GAPVD1: variants seen among roughly 807,000 people sequenced by gnomAD.
The protein encoded by GAPVD1 is GTPase activating protein and VPS9 domains 1.
GAPVD1 carries 35 observed loss-of-function variants against 155.5 expected under a neutral mutation model. The observed-to-expected ratio is 0.23, with a 90% CI of 0.17 to 0.30. The LOEUF (loss-of-function observed/expected upper bound fraction) is 0.30. Ranked by LOEUF, GAPVD1 falls within the 10% of genes least tolerant of loss-of-function variation. GAPVD1 has a pLI of 1.00. For missense variants in GAPVD1, 1,429 were observed against 1,775.7 expected (o/e 0.80, Z 3.51); for synonymous variants, 636 against 619.7 (o/e 1.03, Z -0.39).
chr9:125,342,976 T>C (rs1848026572), intron 19 of GAPVD1, among the ~76,000 whole-genome samples: 1 of 152,184 alleles, frequency 6.6e-6, no homozygotes, highest in South Asian at 2.1e-4. Context: ...ACATTATGAA[T>C]GAGCACCCTA....
chr9:125,331,265 A>G (rs554086303), intron 13 of GAPVD1, among the ~76,000 whole-genome samples: 37 of 151,862 alleles, frequency 2.4e-4, no homozygotes, highest in Middle Eastern at 6.8e-3. Flanking sequence ...CAGTGGTGCA[A>G]TCACGGCTCA....
At chr9:125,276,561 C>T (rs764465159) in intron 2 of GAPVD1, among the ~76,000 whole-genome samples, 6 of 152,056 alleles carry the variant, frequency 3.9e-5, no homozygotes, top group Admixed American at 6.6e-5. Flanking sequence ...TGATGGTGTA[C>T]GCCTGTAGTC....
rs1235489525 is a variant in GAPVD1, at chr9:125,263,616, C to G, written c.-199+1657C>G. The G allele has an allele frequency of 3.7e-6, 5 of 1,357,868 alleles. No individual in the cohort carries two copies. The African/African-American group carries it at 7.1e-5, about 19-fold the overall frequency. The allele number at this position is 1,357,868 out of a possible 1,614,324, so 84.1% of individuals were successfully genotyped here. A position where few individuals can be genotyped will look rare whatever the true frequency, so the allele number is the denominator to read the frequency against. ...TGGCTGACCACGTCCACGACCAAAT[C>G]CGTCTCAACTGGAATTTGGCTGCTG... On this transcript the variant is annotated intron_variant, in intron 1 of 27. Transcript: ENST00000297933.
In GAPVD1 at chr9:125,337,423, T is replaced by G. The variant is rs983980605; in HGVS notation, c.2709T>G (p.Ser903=). 1 of 1,614,140 alleles carries G rather than the reference T, an allele frequency of 6.2e-7. No individual in the cohort carries two copies. The highest frequency in any genetic ancestry group is 8.5e-7 in the Non-Finnish European group (1 of 1,179,954). The change falls in exon 17 of 28, where the codon TCT becomes TCG. Residue 903 remains serine, a synonymous_variant. Coordinates refer to ENST00000297933, the MANE Select transcript of GAPVD1 (RefSeq NM_001282680.3). The part of the protein sequence containing the change: ...YPERLVRSRS[S]DIVSSVRRPM... Reference sequence around the variant, plus strand: ...AGAGACTAGTTCGAAGCAGGAGCTCTGATATAGTATCTTCTGTCCGGAGAC... The same window carrying G: ...AGAGACTAGTTCGAAGCAGGAGCTCGGATATAGTATCTTCTGTCCGGAGAC...
chr9:125,312,929 T>C (rs1842861123), intron 9 of GAPVD1, among the ~76,000 whole-genome samples: 1 of 152,088 alleles, frequency 6.6e-6, no homozygotes, highest in African/African-American at 2.4e-5. Flanking sequence ...CAAGCAATTC[T>C]CCTGCCTCAG....
At chr9:125,305,328 G>GT in intron 6 of GAPVD1, among the ~76,000 whole-genome samples, 179 bp downstream of exon 6, 1 of 151,496 alleles carries the variant, frequency 6.6e-6, no homozygotes, top group Non-Finnish European at 1.5e-5. Context: ...AGATGCCGTC[G>GT]TAAGAGAATC....
intron 8 of GAPVD1, 136 bp downstream of exon 8, chr9:125,308,016 A>G: frequency 6.0e-6 from 4 of 665,554 alleles, no homozygotes; most frequent in South Asian, 5.4e-5. Flanking sequence ...ATGGTATTTC[A>G]GTTTTTAGAA....
chr9:125,335,287 T>C (rs1487062451), intron 15 of GAPVD1: 1 of 633,072 alleles, frequency 1.6e-6, no homozygotes, highest in Non-Finnish European at 2.9e-6. Flanking sequence ...GCAAAAAATG[T>C]GTCATTCTCT....
rs777933375 is a variant in GAPVD1 at position 125,350,904 on chromosome 9, C to G, written c.3569+32C>G. 4 of 1,536,512 alleles carry G rather than the reference C, an allele frequency of 2.6e-6. No homozygotes were observed. In the South Asian group the frequency reaches 3.6e-5, roughly 14 times the overall value. ...TACCCCACCTGTTCAGCTTTTAAAC[C>G]TAGTTGTTAGCTGCAAGTGTTTTCT... is the stretch of plus-strand genomic sequence containing the variant. On this transcript the variant is annotated intron_variant, in intron 23 of 27. Coordinates refer to ENST00000297933, the MANE Select transcript of GAPVD1 (RefSeq NM_001282680.3).
chr9:125,318,744 T>A (rs1480127934), intron 9 of GAPVD1, among the ~76,000 whole-genome samples: 1 of 151,434 alleles, frequency 6.6e-6, no homozygotes, highest in Non-Finnish European at 1.5e-5. Context: ...TAGTAAGACC[T>A]TGTCTCTACA....
At chr9:125,286,280 A>AT (rs904842756) in intron 2 of GAPVD1, among the ~76,000 whole-genome samples, 1 of 151,658 alleles carries the variant, frequency 6.6e-6, no homozygotes, top group Non-Finnish European at 1.5e-5. Context: ...TGCCCAGCAA[A>AT]TTTTTTTATT....
At chr9:125,272,495 A>C (rs932023568) in intron 2 of GAPVD1, among the ~76,000 whole-genome samples, 2 of 152,190 alleles carry the variant, frequency 1.3e-5, no homozygotes, top group African/African-American at 4.8e-5. Context: ...AGGCCTCTCT[A>C]TGAATAAGTT....
At chr9:125,361,796 A>T (rs1380231704) in intron 27 of GAPVD1, among the ~76,000 whole-genome samples, 1 of 152,188 alleles carries the variant, frequency 6.6e-6, no homozygotes, top group Non-Finnish European at 1.5e-5. Flanking sequence ...TATTTTGAAC[A>T]TTTTGAGGGT....
chr9:125,309,734 C>T (rs1314109563), intron 8 of GAPVD1, among the ~76,000 whole-genome samples: 1 of 152,168 alleles, frequency 6.6e-6, no homozygotes, highest in Non-Finnish European at 1.5e-5. Flanking sequence ...GACTGCTATA[C>T]ATTAGTTTTT....
intron 2 of GAPVD1, among the ~76,000 whole-genome samples, chr9:125,287,054 A>G (rs1213093291): frequency 6.6e-6 from 1 of 152,150 alleles, no homozygotes; most frequent in African/African-American, 2.4e-5. Context: ...ATTGCACTCC[A>G]GTCTGGGCAA....
intron 2 of GAPVD1, among the ~76,000 whole-genome samples, chr9:125,283,171 T>C (rs1348595118): frequency 1.3e-5 from 2 of 151,686 alleles, no homozygotes; most frequent in East Asian, 3.9e-4. Context: ...GCAATTCTCC[T>C]GCCTCAGCCT....
intron 9 of GAPVD1, among the ~76,000 whole-genome samples, chr9:125,320,563 T>C (rs2131483816): frequency 6.6e-6 from 1 of 152,342 alleles, no homozygotes; most frequent in East Asian, 1.9e-4. Flanking sequence ...TTTACTTTTA[T>C]TTACTTTAAA....
chr9:125,350,178 C>CT (rs1485901066), intron 21 of GAPVD1, 117 bp from the exon 22 acceptor site: 1 of 658,954 alleles, frequency 1.5e-6, no homozygotes, highest in Non-Finnish European at 2.5e-6. Flanking sequence ...GAATCATCTT[C>CT]TTTAAAATGT....
chr9:125,324,746 A>G (rs528828125), intron 11 of GAPVD1, among the ~76,000 whole-genome samples: 1 of 152,128 alleles, frequency 6.6e-6, no homozygotes, highest in South Asian at 2.1e-4. Flanking sequence ...TTTTTCAGGT[A>G]TCAGTTAGGG....
Sources: gnomAD v4.1 joint callset for allele counts (sites outside exome capture counted in the v4.1 genomes callset) on GRCh38, gnomAD v4.1.1 for gene constraint, MANE v1.5 for transcripts, NCBI Gene and HGNC (gene_info 2026-07-23, HGNC 2026-07-21) for gene names.